The following FAM81A variants were observed in gnomAD, a reference collection of about 807,000 sequenced individuals.
FAM81A encodes the protein protein FAM81A.
FAM81A carries 19 observed loss-of-function variants against 46.7 expected under a neutral mutation model. That is an observed-to-expected ratio of 0.41 (90% CI 0.28 to 0.60). The LOEUF is 0.60. Ranked by LOEUF, FAM81A falls within the 20% of genes least tolerant of loss-of-function variation. The pLI is 0.34. For synonymous variants in FAM81A, 183 were observed against 152.9 expected (o/e 1.20, Z -1.45); for missense variants, 377 against 453.5 (o/e 0.83, Z 1.53).
At chr15:59,416,312 A>C (rs2081146524) in intron 2 of FAM81A, among the ~76,000 whole-genome samples, 1 of 152,246 alleles carries the variant, frequency 6.6e-6, no homozygotes, top group Non-Finnish European at 1.5e-5. Context: ...ACCATGCACG[A>C]TAAGCTTCCC....
intron 2 of FAM81A, among the ~76,000 whole-genome samples, chr15:59,415,696 C>A (rs562861647): frequency 6.6e-6 from 1 of 152,096 alleles, no homozygotes; most frequent in Non-Finnish European, 1.5e-5. Flanking sequence ...CCTGCAGAAC[C>A]GTAAGATAAT....
At chr15:59,408,987 T>A (rs1401055423) in intron 2 of FAM81A, 2 of 152,222 alleles carry the variant, frequency 1.3e-5, no homozygotes, top group African/African-American at 4.8e-5. Flanking sequence ...CTTTCCCTAC[T>A]TCTTGCTACT....
At chr15:59,472,954 C>T (rs1002230644) in intron 3 of FAM81A, among the ~76,000 whole-genome samples, 2 of 152,102 alleles carry the variant, frequency 1.3e-5, no homozygotes, top group Admixed American at 6.5e-5. Context: ...TTATCCCAGA[C>T]GCTAAAAACT....
Position 59,452,808 on chromosome 15 carries a change from C to T in FAM81A, c.-77-5742C>T, listed in dbSNP as rs1477765176. Among the ~76,000 whole-genome samples the T allele has an allele frequency of 2.0e-5, 3 of 152,174 alleles. No homozygotes were observed. The East Asian group carries it at 5.8e-4, about 29-fold the overall frequency. Reference sequence around the variant, plus strand: ...ACAGGATCTCACTCTGTCACCTGAGCTGGAGTACAGTGGCATGATCTCAGG... The same window carrying T: ...ACAGGATCTCACTCTGTCACCTGAGTTGGAGTACAGTGGCATGATCTCAGG... On this transcript the variant is annotated intron_variant, in intron 1 of 8. Transcript: ENST00000288228.
At chr15:59,507,399 A>G (rs867027588) in intron 5 of FAM81A, 57 bp downstream of exon 5, 2 of 1,579,828 alleles carry the variant, frequency 1.3e-6, no homozygotes, top group South Asian at 1.2e-5. Flanking sequence ...AGCTAAGAAT[A>G]ACATGGTGTT....
At chr15:59,415,772 A>G (rs758437478) in intron 2 of FAM81A, among the ~76,000 whole-genome samples, 14 of 152,242 alleles carry the variant, frequency 9.2e-5, no homozygotes, top group Non-Finnish European at 1.8e-4. Flanking sequence ...AAAGAATAAT[A>G]CAGAGGCTGA....
At chr15:59,503,166 C>T (rs867767088) in intron 4 of FAM81A, among the ~76,000 whole-genome samples, 4 of 139,780 alleles carry the variant, frequency 2.9e-5, no homozygotes, top group African/African-American at 5.4e-5. Flanking sequence ...CGCTTGAGCC[C>T]GGGAGGTTGC....
At chr15:59,451,851 A>G (rs57357958) in intron 1 of FAM81A, among the ~76,000 whole-genome samples, 3,017 of 152,308 alleles carry the variant, frequency 0.02, 102 homozygotes, top group African/African-American at 0.07. Flanking sequence ...CCAGAATATA[A>G]TTCAGTTGAT....
At chr15:59,425,829 TGCCCAGGCTTGTCTTGAACTCCTG>T (rs2081192404) in intron 2 of FAM81A, among the ~76,000 whole-genome samples, 1 of 152,190 alleles carries the variant, frequency 6.6e-6, no homozygotes, top group African/African-American at 2.4e-5. Context: ...CTCACTATGC[TGCCCAGGCTTGTCTTGAACTCCTG>T]GCCTCAGGCG....
chr15:59,475,636 TAGAC>T (rs1240391407), intron 3 of FAM81A, among the ~76,000 whole-genome samples: 2 of 152,228 alleles, frequency 1.3e-5, no homozygotes, highest in Admixed American at 6.5e-5. Flanking sequence ...ATTTCCGTGA[TAGAC>T]AGGGAAAACT....
intron 1 of FAM81A, among the ~76,000 whole-genome samples, chr15:59,448,658 A>T (rs2081377973): frequency 6.6e-6 from 1 of 151,138 alleles, no homozygotes. Flanking sequence ...CTTAGCTGTT[A>T]TTTTTTGTTT....
chr15:59,421,869 C>A (rs919314434), intron 2 of FAM81A, among the ~76,000 whole-genome samples: 57 of 147,090 alleles, frequency 3.9e-4, no homozygotes, highest in African/African-American at 1.2e-3. Context: ...ACCCTCAACC[C>A]TCTATCTATC....
intron 3 of FAM81A, among the ~76,000 whole-genome samples, chr15:59,482,347 C>T (rs537845329): frequency 2.6e-5 from 4 of 152,190 alleles, no homozygotes; most frequent in Admixed American, 2.0e-4. Context: ...TGGCTCACTA[C>T]GATCTCCACT....
intron 4 of FAM81A, among the ~76,000 whole-genome samples, chr15:59,495,906 A>G (rs1004387672): frequency 3.3e-5 from 5 of 152,176 alleles, no homozygotes; most frequent in African/African-American, 9.6e-5. Flanking sequence ...TAAAAATTAT[A>G]TATTCTAGAT....
chr15:59,465,914 C>T (rs2081607476), intron 3 of FAM81A, among the ~76,000 whole-genome samples: 1 of 152,096 alleles, frequency 6.6e-6, no homozygotes, highest in Non-Finnish European at 1.5e-5. Flanking sequence ...TCTCATTGTT[C>T]AGTTCCCACC....
intron 8 of FAM81A, 28 bp from the exon 9 acceptor site, chr15:59,521,226 C>T (rs376969088): frequency 3.1e-6 from 5 of 1,589,584 alleles, no homozygotes; most frequent in African/African-American, 2.7e-5. Context: ...AAATTGTTAA[C>T]TGTTGTGAAA....
intron 4 of FAM81A, among the ~76,000 whole-genome samples, 176 bp from the exon 5 acceptor site, chr15:59,507,037 T>G (rs1229497785): frequency 1.3e-5 from 2 of 152,244 alleles, no homozygotes; most frequent in Non-Finnish European, 2.9e-5. Flanking sequence ...TCCCTGTGGT[T>G]TACCTTAAAA....
chr15:59,439,580 T>C (rs1185369598), intron 1 of FAM81A, among the ~76,000 whole-genome samples: 2 of 152,230 alleles, frequency 1.3e-5, no homozygotes, highest in Non-Finnish European at 2.9e-5. Context: ...GACTTTCTAC[T>C]TAAAGCTACC....
intron 2 of FAM81A, among the ~76,000 whole-genome samples, chr15:59,415,697 G>A (rs966181484): frequency 3.3e-5 from 5 of 152,156 alleles, no homozygotes; most frequent in Admixed American, 6.5e-5. Context: ...CTGCAGAACC[G>A]TAAGATAATA....
Sources: gnomAD v4.1 joint callset for allele counts (sites outside exome capture counted in the v4.1 genomes callset) on GRCh38, gnomAD v4.1.1 for gene constraint, MANE v1.5 for transcripts, NCBI Gene and HGNC (gene_info 2026-07-23, HGNC 2026-07-21) for gene names.